Variants in DOCK3 observed in about 807,000 individuals in gnomAD.
DOCK3 encodes dedicator of cytokinesis 3.
A neutral mutation model predicts 265.6 loss-of-function variants in DOCK3; 60 were observed. The observed-to-expected ratio is 0.23, with a 90% CI of 0.18 to 0.28. The LOEUF is 0.28. DOCK3 is among the 10% of genes least tolerant of loss of function. The pLI, the probability that DOCK3 is intolerant of heterozygous loss-of-function variation, is 1.00. For missense variants in DOCK3, 1,981 were observed against 2,594.3 expected (o/e 0.76, Z 5.14); for synonymous variants, 881 against 938.0 (o/e 0.94, Z 1.11).
chr3:51,129,943 A>G (rs1469984728), intron 9 of DOCK3, among the ~76,000 whole-genome samples: 1 of 152,226 alleles, frequency 6.6e-6, no homozygotes, highest in Non-Finnish European at 1.5e-5. Context: ...AATGTGCCGG[A>G]GTAACACACC....
chr3:50,935,890 G>A (rs77767770), intron 5 of DOCK3, among the ~76,000 whole-genome samples: 3 of 152,286 alleles, frequency 2.0e-5, no homozygotes, highest in African/African-American at 4.8e-5. Context: ...GAACCGGAGT[G>A]TCATAGTATA....
intron 5 of DOCK3, among the ~76,000 whole-genome samples, chr3:50,956,062 ATT>A (rs34398167): frequency 3.0e-4 from 42 of 141,974 alleles, no homozygotes; most frequent in African/African-American, 3.6e-4. Flanking sequence ...TGTGTGCCAC[ATT>A]TTTTTTTTTT....
chr3:50,715,887 G>A (rs1398152011), intron 1 of DOCK3, among the ~76,000 whole-genome samples: 2 of 152,008 alleles, frequency 1.3e-5, no homozygotes, highest in African/African-American at 4.8e-5. Flanking sequence ...TTATGTCTTA[G>A]GTTTTTTTCT....
At chr3:51,059,294 A>G (rs143365507) in intron 5 of DOCK3, among the ~76,000 whole-genome samples, 25 of 152,222 alleles carry the variant, frequency 1.6e-4, no homozygotes, top group African/African-American at 6.0e-4. Context: ...TTATCTCCCA[A>G]ACAGTTTCAC....
At chr3:50,694,256 C>T (rs966357251) in intron 1 of DOCK3, among the ~76,000 whole-genome samples, 3 of 151,236 alleles carry the variant, frequency 2.0e-5, no homozygotes, top group Non-Finnish European at 4.4e-5. Flanking sequence ...GGGGATAGAG[C>T]GAGACTTTGT....
intron 22 of DOCK3, among the ~76,000 whole-genome samples, chr3:51,252,022 A>T (rs202167871): frequency 6.6e-6 from 1 of 152,084 alleles, no homozygotes; most frequent in Non-Finnish European, 1.5e-5. Flanking sequence ...TTAATCCATC[A>T]TGAATTAATT....
intron 1 of DOCK3, among the ~76,000 whole-genome samples, chr3:50,769,591 A>T (rs1442285710): frequency 6.6e-6 from 1 of 152,006 alleles, no homozygotes; most frequent in Non-Finnish European, 1.5e-5. Context: ...GTGGCAGATC[A>T]CTTGAGGTCA....
chr3:51,299,182 CT>C (rs1366627604), intron 27 of DOCK3, among the ~76,000 whole-genome samples: 1 of 151,846 alleles, frequency 6.6e-6, no homozygotes, highest in East Asian at 1.9e-4. Context: ...TGATGTTCAG[CT>C]TTTTTTCACG....
rs2086571303 is a variant in DOCK3 at position 51,359,260 on chromosome 3, G to C, written c.4884+1183G>C. The stretch of plus-strand genomic sequence containing the variant: ...TCATCTCCGTCCCTCCAGGCTCCCA[G>C]TGCAGGTCTCAGCCTGTGTGGACAA... On this transcript the variant is annotated intron_variant, in intron 46 of 52. Transcript: ENST00000266037. The surrounding 1 kb of genome is among the most constrained non-coding windows in gnomAD (Gnocchi z 4.8). Among the ~76,000 whole-genome samples the C allele has an allele frequency of 6.6e-6, 1 of 152,236 alleles. No individual in the cohort carries two copies. The highest frequency in any genetic ancestry group is 6.5e-5 in the Admixed American group (1 of 15,292).
intron 12 of DOCK3, among the ~76,000 whole-genome samples, chr3:51,171,618 G>C (rs1435693488): frequency 1.3e-5 from 2 of 151,636 alleles, no homozygotes; most frequent in Admixed American, 6.6e-5. Context: ...TCAGGGGGCT[G>C]AGGCAGGAGA....
chr3:51,125,192 A>G (rs527789917), intron 9 of DOCK3, among the ~76,000 whole-genome samples: 1 of 152,262 alleles, frequency 6.6e-6, no homozygotes, highest in South Asian at 2.1e-4. Context: ...AACATAGTTC[A>G]GTGGACATTC....
intron 1 of DOCK3, among the ~76,000 whole-genome samples, chr3:50,736,940 C>G (rs2038669542): frequency 6.6e-6 from 1 of 152,076 alleles, no homozygotes; most frequent in Non-Finnish European, 1.5e-5. Flanking sequence ...GATCCACCCG[C>G]CTCGGCCTCC....
At chr3:50,845,517 G>T (rs2107310642) in intron 3 of DOCK3, among the ~76,000 whole-genome samples, 1 of 152,236 alleles carries the variant, frequency 6.6e-6, no homozygotes, top group East Asian at 1.9e-4. Flanking sequence ...AATATTTTAA[G>T]CTGGGTAAGG....
chr3:51,366,855 C>T (rs899348198), intron 49 of DOCK3, among the ~76,000 whole-genome samples: 1 of 152,024 alleles, frequency 6.6e-6, no homozygotes, highest in Non-Finnish European at 1.5e-5. Flanking sequence ...TCTGAGGCAC[C>T]GTTTGTTATA....
At chr3:50,849,375 C>T (rs902203912) in intron 3 of DOCK3, among the ~76,000 whole-genome samples, 3 of 151,408 alleles carry the variant, frequency 2.0e-5, no homozygotes, top group South Asian at 4.2e-4. Flanking sequence ...TACACACGCA[C>T]ACATACACAT....
At chr3:51,214,906 G>T (rs1478946655) in intron 14 of DOCK3, among the ~76,000 whole-genome samples, 1 of 152,150 alleles carries the variant, frequency 6.6e-6, no homozygotes, top group Non-Finnish European at 1.5e-5. Flanking sequence ...AGGCAGACAT[G>T]GGTAGGGCTG....
rs1251167985 is a variant in DOCK3, at chr3:51,318,326, C to A, written c.3402+3198C>A. Among the ~76,000 whole-genome samples, 205 of 152,294 alleles carry A rather than the reference C, an allele frequency of 1.3e-3. 3 individuals are homozygous for A. The highest frequency in any genetic ancestry group is 2.1e-4 in the South Asian group (1 of 4,822). On this transcript the variant is annotated intron_variant, in intron 32 of 52. Coordinates refer to ENST00000266037, the MANE Select transcript of DOCK3 (RefSeq NM_004947.5). ...CCCAGGAAAGGGAGATTGCAGTGATCTGAGATCGCACCACTGCTCACCAGT... is the reference window on the plus strand; with the variant it reads ...CCCAGGAAAGGGAGATTGCAGTGATATGAGATCGCACCACTGCTCACCAGT...
intron 3 of DOCK3, among the ~76,000 whole-genome samples, chr3:50,888,154 C>G (rs1271891594): frequency 6.6e-6 from 1 of 152,130 alleles, no homozygotes; most frequent in Admixed American, 6.6e-5. Flanking sequence ...TAAGCAACTT[C>G]AGCAAAGTCT....
intron 5 of DOCK3, among the ~76,000 whole-genome samples, chr3:50,959,146 G>A (rs2076813799): frequency 6.6e-6 from 1 of 152,026 alleles, no homozygotes; most frequent in African/African-American, 2.4e-5. Context: ...TCTAAATACA[G>A]TAATATACTG....
Sources: gnomAD v4.1 joint callset for allele counts (sites outside exome capture counted in the v4.1 genomes callset) on GRCh38, gnomAD v4.1.1 for gene constraint, Gnocchi (gnomAD v3.1) non-coding constraint, MANE v1.5 for transcripts, NCBI Gene and HGNC (gene_info 2026-07-23, HGNC 2026-07-21) for gene names.